MYO6: variants seen among roughly 807,000 people sequenced by gnomAD.
MYO6 encodes the protein unconventional myosin-VI.
In MYO6, 74 loss-of-function variants were observed where a neutral mutation model predicts 178.7. The ratio of observed to expected loss-of-function variants is 0.41; its 90% CI spans 0.34 to 0.50. The LOEUF (loss-of-function observed/expected upper bound fraction) is 0.50, where lower values mean the gene tolerates loss of function less well. Ranked by LOEUF, MYO6 falls within the 20% of genes least tolerant of loss-of-function variation. The pLI is 0.09. For synonymous variants in MYO6, 477 were observed against 504.6 expected, an observed-to-expected ratio of 0.95 and a Z score of 0.73; for missense variants, 1,330 against 1,547.4, an observed-to-expected ratio of 0.86 and a Z score of 2.36.
intron 1 of MYO6, among the ~76,000 whole-genome samples, chr6:75,787,714 CTCTCTCTCTCTCTCTCTA>C (rs1369918494): frequency 7.8e-3 from 476 of 61,348 alleles, no homozygotes; most frequent in Non-Finnish European, 0.012. Context: ...CTCTCTCTCT[CTCTCTCTCTCTCTCTCTA>C]TATATATATA....
At chr6:75,864,859 T>A (rs1434936389) in intron 16 of MYO6, among the ~76,000 whole-genome samples, 1 of 152,232 alleles carries the variant, frequency 6.6e-6, no homozygotes, top group Non-Finnish European at 1.5e-5. Context: ...TGTTTTTACT[T>A]GAATTATTTA....
At chr6:75,800,932 G>A (rs1215120349) in intron 1 of MYO6, among the ~76,000 whole-genome samples, 1 of 152,142 alleles carries the variant, frequency 6.6e-6, no homozygotes, top group Non-Finnish European at 1.5e-5. Context: ...TGTTGGCCAG[G>A]CTGGTCTTGA....
chr6:75,903,082 T>C (rs1779953445), intron 30 of MYO6, among the ~76,000 whole-genome samples: 1 of 152,224 alleles, frequency 6.6e-6, no homozygotes, highest in African/African-American at 2.4e-5. Context: ...TGCACTGTGG[T>C]CTGAGAGATA....
At chr6:75,804,044 C>G (rs1321379247) in intron 1 of MYO6, among the ~76,000 whole-genome samples, 2 of 152,166 alleles carry the variant, frequency 1.3e-5, no homozygotes, top group African/African-American at 4.8e-5. Flanking sequence ...CAGGTGTGTA[C>G]TGACATGCCT....
intron 30 of MYO6, among the ~76,000 whole-genome samples, chr6:75,901,644 T>C (rs1779784509): frequency 6.6e-6 from 1 of 152,220 alleles, no homozygotes; most frequent in African/African-American, 2.4e-5. Context: ...TGGGGTTTTC[T>C]AGATATACAA....
chr6:75,908,177 C>A lies in MYO6; in HGVS notation c.3281-319C>A, dbSNP rs1780483223. ...TATTTTATCACAGTGACTTTTTATT[C>A]TATTGTCAAGACTTGTTGCCTTCGA... On this transcript the variant is annotated intron_variant, in intron 31 of 34. Transcript: ENST00000369977. Among the ~76,000 whole-genome samples the A allele has an allele frequency of 3.3e-5, 5 of 152,174 alleles. No homozygotes were observed. The South Asian group carries it at 1.0e-3, about 32-fold the overall frequency.
intron 1 of MYO6, among the ~76,000 whole-genome samples, chr6:75,775,277 T>C (rs1423486838): frequency 1.3e-5 from 2 of 152,160 alleles, no homozygotes; most frequent in Admixed American, 6.5e-5. Context: ...AGAGTCTTCA[T>C]AATAGCCGAG....
At chr6:75,826,956 G>T (rs2150200413) in intron 3 of MYO6, among the ~76,000 whole-genome samples, 1 of 152,270 alleles carries the variant, frequency 6.6e-6, no homozygotes, top group African/African-American at 2.4e-5. Context: ...TGAACTGGCT[G>T]CATTAAATGA....
rs770900397 is a variant in MYO6, at chr6:75,879,959, G to A, written c.2208+9G>A. 1 of 1,613,986 alleles carries A rather than the reference G, an allele frequency of 6.2e-7. No homozygotes were observed. The highest frequency in any genetic ancestry group is 2.2e-5 in the East Asian group (1 of 44,850). ...CAAGACTATTTTGTAAGGTATAAATGCCACCCAAATTGAAATTTCTTAGCT... is the reference window on the plus strand; with the variant it reads ...CAAGACTATTTTGTAAGGTATAAATACCACCCAAATTGAAATTTCTTAGCT... On this transcript the variant is annotated intron_variant, in intron 21 of 34. Coordinates refer to ENST00000369977, the MANE Select transcript of MYO6 (RefSeq NM_004999.4).
At chr6:75,856,010 T>C (rs944231834) in intron 12 of MYO6, among the ~76,000 whole-genome samples, 7 of 152,222 alleles carry the variant, frequency 4.6e-5, no homozygotes, top group African/African-American at 1.7e-4. Context: ...TTTTAGCCTC[T>C]CAGAAAATTG....
At chr6:75,841,187 A>G in intron 8 of MYO6, 27 bp from the exon 9 acceptor site, 2 of 1,604,126 alleles carry the variant, frequency 1.2e-6, no homozygotes, top group Non-Finnish European at 8.5e-7. Flanking sequence ...ATGCAAAAAT[A>G]TATTTTCTCT....
intron 5 of MYO6, 91 bp from the exon 6 acceptor site, chr6:75,832,751 C>CT (rs2150221698): frequency 1.3e-6 from 1 of 749,400 alleles, no homozygotes; most frequent in South Asian, 1.5e-5. Context: ...TTTATGATTT[C>CT]TTTAAGAGTA....
At chr6:75,874,632 A>G (rs1454371529) in intron 20 of MYO6, among the ~76,000 whole-genome samples, 1 of 152,124 alleles carries the variant, frequency 6.6e-6, no homozygotes, top group African/African-American at 2.4e-5. Flanking sequence ...CTAGTTTTTC[A>G]TGGATCTTCA....
At chr6:75,769,531 A>G (rs1160508054) in intron 1 of MYO6, among the ~76,000 whole-genome samples, 2 of 152,240 alleles carry the variant, frequency 1.3e-5, no homozygotes, top group African/African-American at 2.4e-5. Context: ...TCTGTGTTCC[A>G]CATCCAGGGC....
chr6:75,792,912 T>C (rs918496250), intron 1 of MYO6, among the ~76,000 whole-genome samples: 4 of 152,116 alleles, frequency 2.6e-5, no homozygotes, highest in African/African-American at 9.7e-5. Context: ...GCCTCTCAAA[T>C]GGTTGGGATT....
At chr6:75,897,561 A>G (rs1779402826) in intron 29 of MYO6, among the ~76,000 whole-genome samples, 2 of 152,176 alleles carry the variant, frequency 1.3e-5, no homozygotes, top group Non-Finnish European at 2.9e-5. Flanking sequence ...ACCTGGAAGC[A>G]AATACACCCA....
intron 29 of MYO6, among the ~76,000 whole-genome samples, chr6:75,897,956 T>G (rs1485345945): frequency 2.6e-5 from 4 of 152,226 alleles, no homozygotes; most frequent in African/African-American, 9.6e-5. Flanking sequence ...TACATCAGCT[T>G]GTGGTTTTCA....
intron 1 of MYO6, among the ~76,000 whole-genome samples, chr6:75,794,844 G>T (rs1474384063): frequency 6.6e-6 from 1 of 152,066 alleles, no homozygotes; most frequent in African/African-American, 2.4e-5. Flanking sequence ...AATGGACCTT[G>T]TGAGAAGATT....
At chr6:75,876,873 C>T (rs1254926932) in intron 20 of MYO6, among the ~76,000 whole-genome samples, 2 of 152,082 alleles carry the variant, frequency 1.3e-5, no homozygotes, top group Non-Finnish European at 2.9e-5. Flanking sequence ...AAAATATTTA[C>T]GAAGCTTTCT....
Sources: gnomAD v4.1 joint callset for allele counts (sites outside exome capture counted in the v4.1 genomes callset) on GRCh38, gnomAD v4.1.1 for gene constraint, MANE v1.5 for transcripts, NCBI Gene and HGNC (gene_info 2026-07-23, HGNC 2026-07-21) for gene names.